FTO: variants seen among roughly 807,000 people sequenced by gnomAD.
FTO encodes alpha-ketoglutarate-dependent dioxygenase FTO.
In FTO, 47 loss-of-function variants were observed where a neutral mutation model predicts 63.9. The ratio of observed to expected loss-of-function variants is 0.74; its 90% CI spans 0.58 to 0.94. The LOEUF is 0.94. FTO is among the 40% of genes least tolerant of loss of function. The pLI, the probability that FTO is intolerant of heterozygous loss-of-function variation, is 0.00. For synonymous variants in FTO, 207 were observed against 224.4 expected (o/e 0.92, Z 0.69); for missense variants, 562 against 618.1 (o/e 0.91, Z 0.96).
At chr16:53,917,666 G>A (rs2081904551) in intron 7 of FTO, among the ~76,000 whole-genome samples, 1 of 151,166 alleles carries the variant, frequency 6.6e-6, no homozygotes, top group Non-Finnish European at 1.5e-5. Flanking sequence ...CCAGTTAATA[G>A]GTCCTGAATT....
intron 3 of FTO, among the ~76,000 whole-genome samples, chr16:53,842,024 T>C (rs1462143213): frequency 1.3e-5 from 2 of 152,202 alleles, no homozygotes; most frequent in African/African-American, 4.8e-5. Context: ...ATTTGAGGCA[T>C]TTTTGTTTTT....
At chr16:53,841,869 C>T (rs2079488030) in intron 3 of FTO, among the ~76,000 whole-genome samples, 1 of 152,180 alleles carries the variant, frequency 6.6e-6, no homozygotes, top group Non-Finnish European at 1.5e-5. Flanking sequence ...CCAGTCTAAA[C>T]ACTGTTGTCT....
chr16:54,077,686 AATC>A (rs1317324224), intron 8 of FTO, among the ~76,000 whole-genome samples: 2 of 152,174 alleles, frequency 1.3e-5, no homozygotes, highest in African/African-American at 4.8e-5. Context: ...TGTTCAGAGA[AATC>A]ATCAAATGCA....
chr16:54,107,178 A>G (rs2086774737), intron 8 of FTO, among the ~76,000 whole-genome samples: 1 of 151,708 alleles, frequency 6.6e-6, no homozygotes, highest in African/African-American at 2.4e-5. Context: ...GCTCTCCTTG[A>G]ACTGCTTCAT....
chr16:53,873,256 A>G (rs144905236), intron 4 of FTO, among the ~76,000 whole-genome samples: 49 of 152,252 alleles, frequency 3.2e-4, no homozygotes, highest in African/African-American at 1.2e-3. Flanking sequence ...CTCAATTCAT[A>G]TATAGTGAAT....
At chr16:53,729,011 A>T (rs796277027) in intron 1 of FTO, among the ~76,000 whole-genome samples, 4 of 150,418 alleles carry the variant, frequency 2.7e-5, no homozygotes, top group African/African-American at 9.8e-5. Flanking sequence ...TGATCCGCCC[A>T]CCTTGGCCTC....
chr16:53,844,467 C>T (rs2079564512), intron 4 of FTO, among the ~76,000 whole-genome samples, 169 bp downstream of exon 4: 2 of 151,828 alleles, frequency 1.3e-5, no homozygotes, highest in Non-Finnish European at 2.9e-5. Context: ...TGAGATATTG[C>T]TGATTTTTTG....
At chr16:53,715,480 C>T (rs757378864) in intron 1 of FTO, among the ~76,000 whole-genome samples, 4 of 152,138 alleles carry the variant, frequency 2.6e-5, no homozygotes, top group East Asian at 1.9e-4. Context: ...TGTGGTTTGT[C>T]GATTGAACCC....
At chr16:53,951,858 A>G (rs1205190056) in intron 8 of FTO, among the ~76,000 whole-genome samples, 2 of 152,118 alleles carry the variant, frequency 1.3e-5, no homozygotes, top group African/African-American at 4.8e-5. Flanking sequence ...TAGAAATGCA[A>G]TAATGTGGGT....
At chr16:53,776,418 T>G (rs2151644027) in intron 1 of FTO, among the ~76,000 whole-genome samples, 1 of 152,290 alleles carries the variant, frequency 6.6e-6, no homozygotes, top group African/African-American at 2.4e-5. Context: ...TTCTGCTTTT[T>G]GTGTGTGTGA....
intron 8 of FTO, among the ~76,000 whole-genome samples, chr16:54,055,538 A>G (rs2085411872): frequency 6.6e-6 from 1 of 152,208 alleles, no homozygotes. Context: ...AAAAAGAGAT[A>G]ACGTAAACAC....
intron 1 of FTO, among the ~76,000 whole-genome samples, chr16:53,720,961 T>C (rs1350277669): frequency 6.6e-6 from 1 of 152,012 alleles, no homozygotes; most frequent in Non-Finnish European, 1.5e-5. Flanking sequence ...GGCTAATTTT[T>C]GTACATTTTG....
chr16:54,091,007 C>G (rs1305492631), intron 8 of FTO, among the ~76,000 whole-genome samples: 1 of 152,176 alleles, frequency 6.6e-6, no homozygotes, highest in African/African-American at 2.4e-5. Context: ...AAAGCAGAAA[C>G]TGCCAGGCTT....
chr16:53,828,513 G>T (rs1420301421), intron 3 of FTO, among the ~76,000 whole-genome samples: 1 of 152,118 alleles, frequency 6.6e-6, no homozygotes, highest in African/African-American at 2.4e-5. Context: ...GGCCTCCTTT[G>T]TTCTCTTAAC....
At chr16:53,707,734 A>G (rs1359267489) in intron 1 of FTO, among the ~76,000 whole-genome samples, 2 of 152,154 alleles carry the variant, frequency 1.3e-5, no homozygotes, top group East Asian at 3.8e-4. Flanking sequence ...GTGAGGTATA[A>G]TTTACATACC....
intron 2 of FTO, among the ~76,000 whole-genome samples, 197 bp from the exon 3 acceptor site, chr16:53,825,667 A>G (rs1230047911): frequency 6.6e-6 from 1 of 152,088 alleles, no homozygotes; most frequent in Non-Finnish European, 1.5e-5. Context: ...GAACTTGAAA[A>G]TCTTGACTTT....
At chr16:53,917,323 C>T (rs1300978861) in intron 7 of FTO, among the ~76,000 whole-genome samples, 1 of 152,194 alleles carries the variant, frequency 6.6e-6, no homozygotes, top group African/African-American at 2.4e-5. Context: ...GTGAACTCTA[C>T]TACCCACTGG....
chr16:54,052,958 T>C (rs1415333368), intron 8 of FTO, among the ~76,000 whole-genome samples: 1 of 152,106 alleles, frequency 6.6e-6, no homozygotes, highest in East Asian at 1.9e-4. Context: ...CACCTCAGCC[T>C]CCCAAAGTGC....
At chr16:53,796,363 G>A (rs982621118) in intron 1 of FTO, among the ~76,000 whole-genome samples, 1 of 152,272 alleles carries the variant, frequency 6.6e-6, no homozygotes. Flanking sequence ...ATTAAAACAA[G>A]TGAACAAACA....
Sources: gnomAD v4.1 joint callset for allele counts (sites outside exome capture counted in the v4.1 genomes callset) on GRCh38, gnomAD v4.1.1 for gene constraint, MANE v1.5 for transcripts, NCBI Gene and HGNC (gene_info 2026-07-23, HGNC 2026-07-21) for gene names.